Variants in CADM1 observed in about 807,000 individuals in gnomAD.
The protein encoded by CADM1 is TSLC-1.
A neutral mutation model predicts 53.1 loss-of-function variants in CADM1; 15 were observed. That is an observed-to-expected ratio of 0.28 (90% confidence interval 0.19 to 0.44). CADM1 has a LOEUF of 0.44. Ranked by LOEUF, CADM1 falls within the 20% of genes least tolerant of loss-of-function variation. CADM1 has a pLI of 1.00. For synonymous variants in CADM1, 281 were observed against 243.0 expected, an observed-to-expected ratio of 1.16 and a Z score of -1.45; for missense variants, 434 against 611.3, an observed-to-expected ratio of 0.71 and a Z score of 3.06.
rs575756144 is a variant in CADM1, at chr11:115,285,994, T to G, written c.125-45574A>C. On this transcript the variant is annotated intron_variant, in intron 1 of 11. Coordinates refer to ENST00000331581, the MANE Select transcript of CADM1 (RefSeq NM_001301043.2). ...TTGTTTTGAGGGGAAAATGAAATAA[T>G]TTAGCAGAAAGCACCATGATATACT... 9.2e-5 allele frequency among the ~76,000 whole-genome samples: 14 copies of G among 152,286 alleles called. No homozygotes were observed. In the South Asian group the frequency reaches 2.7e-3, roughly 29 times the overall value.
intron 1 of CADM1, among the ~76,000 whole-genome samples, chr11:115,482,759 A>G (rs923504429): frequency 6.6e-6 from 1 of 152,224 alleles, no homozygotes; most frequent in East Asian, 1.9e-4. Context: ...ATACGCCAAG[A>G]AAAAGGTTGT....
rs930682247 is a variant in CADM1 at position 115,180,173 on chromosome 11, G to A, written c.1166-1398C>T. 3.9e-5 allele frequency among the ~76,000 whole-genome samples: 6 copies of A among 152,134 alleles called. No homozygotes were observed. In the South Asian group the frequency reaches 6.2e-4, roughly 16 times the overall value. ...GAGGGCATGATTTACACTTTCTATC[G>A]ATATTTCCAATTCTGCTCCGAGATT... On this transcript the variant is annotated intron_variant, in intron 10 of 11. Transcript: ENST00000331581.
intron 1 of CADM1, among the ~76,000 whole-genome samples, chr11:115,501,385 C>T (rs542725610): frequency 1.3e-5 from 2 of 152,168 alleles, no homozygotes; most frequent in Non-Finnish European, 2.9e-5. Context: ...GTCAGCCCCC[C>T]TCCTTCCCAT....
At chr11:115,308,011 G>A (rs757835830) in intron 1 of CADM1, among the ~76,000 whole-genome samples, 5 of 151,532 alleles carry the variant, frequency 3.3e-5, no homozygotes, top group Non-Finnish European at 5.9e-5. Context: ...CTACTTCTGA[G>A]ACTATTCAAA....
chr11:115,218,226 T>G (rs1240281203), intron 5 of CADM1: 23 of 510,468 alleles, frequency 4.5e-5, no homozygotes, highest in Non-Finnish European at 8.3e-5. Context: ...CTGCGCCACA[T>G]CAAACATTTC....
intron 7 of CADM1, among the ~76,000 whole-genome samples, chr11:115,212,923 C>A (rs1313192813): frequency 1.3e-5 from 2 of 152,206 alleles, no homozygotes; most frequent in African/African-American, 2.4e-5. Flanking sequence ...TAGCTATAAA[C>A]TACTATCCAA....
intron 1 of CADM1, among the ~76,000 whole-genome samples, chr11:115,340,648 ATAT>A (rs1945411862): frequency 2.7e-5 from 1 of 36,902 alleles, no homozygotes; most frequent in Non-Finnish European, 5.4e-5. Flanking sequence ...ATATATATAT[ATAT>A]ATATATATTT....
intron 1 of CADM1, among the ~76,000 whole-genome samples, chr11:115,254,888 T>C (rs1054621661): frequency 2.0e-5 from 3 of 152,150 alleles, no homozygotes; most frequent in Admixed American, 6.5e-5. Flanking sequence ...AGGGGGCCAT[T>C]AAGTGATTTT....
chr11:115,189,905 A>C (rs1939764094), intron 10 of CADM1, among the ~76,000 whole-genome samples: 1 of 152,216 alleles, frequency 6.6e-6, no homozygotes. Flanking sequence ...AGAAGCACGT[A>C]GTTGGCAATA....
chr11:115,281,554 C>T (rs1185706629), intron 1 of CADM1, among the ~76,000 whole-genome samples: 2 of 151,928 alleles, frequency 1.3e-5, no homozygotes, highest in East Asian at 1.9e-4. Context: ...TCGTGTGATC[C>T]AGCTTAAGAT....
rs1038301059 is a variant in CADM1, at chr11:115,172,624, A to T, written c.*3850T>A. ...CAGGGTCACTTCAAGTTTTCAGGTG[A>T]TGTAACTGATGCTCTACTTGGCCTC... On this transcript the variant is annotated 3_prime_UTR_variant, in exon 12 of 12. Coordinates refer to ENST00000331581, the MANE Select transcript of CADM1 (RefSeq NM_001301043.2). The T allele has an allele frequency of 6.7e-6, 1 of 150,288 alleles. No homozygotes were observed. The highest frequency in any genetic ancestry group is 2.4e-5 in the African/African-American group (1 of 40,980). The allele number at this position is 150,288 out of a possible 1,614,324, so 9.3% of individuals were successfully genotyped here.
intron 1 of CADM1, among the ~76,000 whole-genome samples, chr11:115,311,693 G>C (rs1002920025): frequency 6.6e-6 from 1 of 152,140 alleles, no homozygotes; most frequent in Non-Finnish European, 1.5e-5. Context: ...AACAGGCTGA[G>C]AGTGGGCATG....
Position 115,176,338 on chromosome 11 carries a change from C to A in CADM1, c.*136G>T. On this transcript the variant is annotated 3_prime_UTR_variant, in exon 12 of 12. Transcript: ENST00000331581. ...TTTTTTTTTTTTTTACACAGCAAAT[C>A]CCAAGCCTTCCCAGTCTCACACCTT... 1.3e-6 allele frequency: 2 copies of A among 1,567,918 alleles called. No homozygotes were observed. The highest frequency in any genetic ancestry group is 8.7e-7 in the Non-Finnish European group (1 of 1,153,158).
chr11:115,383,526 G>A (rs1057318133), intron 1 of CADM1, among the ~76,000 whole-genome samples: 1 of 152,188 alleles, frequency 6.6e-6, no homozygotes, highest in Non-Finnish European at 1.5e-5. Flanking sequence ...CATTCCAAGT[G>A]TCGCTACAGC....
chr11:115,428,419 T>C (rs1484533482), intron 1 of CADM1, among the ~76,000 whole-genome samples: 2 of 152,176 alleles, frequency 1.3e-5, no homozygotes, highest in East Asian at 1.9e-4. Context: ...GACTCATTTA[T>C]ATAAAAAAGA....
At chr11:115,251,578 C>A (rs1353852165) in intron 1 of CADM1, among the ~76,000 whole-genome samples, 1 of 152,138 alleles carries the variant, frequency 6.6e-6, no homozygotes, top group Non-Finnish European at 1.5e-5. Flanking sequence ...AATGCTGCAA[C>A]ATTCAGCTTA....
At chr11:115,247,106 T>C (rs1475124758) in intron 1 of CADM1, among the ~76,000 whole-genome samples, 3 of 152,224 alleles carry the variant, frequency 2.0e-5, no homozygotes, top group African/African-American at 7.2e-5. Context: ...ACACATACTA[T>C]AGGTATGTTT....
At chr11:115,482,085 G>C (rs561042255) in intron 1 of CADM1, among the ~76,000 whole-genome samples, 1 of 152,222 alleles carries the variant, frequency 6.6e-6, no homozygotes, top group South Asian at 2.1e-4. Context: ...GCAGTTCCCA[G>C]AATCCCCCAT....
chr11:115,343,176 A>G (rs1039883638), intron 1 of CADM1, among the ~76,000 whole-genome samples: 1 of 152,152 alleles, frequency 6.6e-6, no homozygotes, highest in Non-Finnish European at 1.5e-5. Flanking sequence ...ACAGACTGTT[A>G]TCTAAGCTTA....
Sources: gnomAD v4.1 joint callset for allele counts (sites outside exome capture counted in the v4.1 genomes callset) on GRCh38, gnomAD v4.1.1 for gene constraint, MANE v1.5 for transcripts, NCBI Gene and HGNC (gene_info 2026-07-23, HGNC 2026-07-21) for gene names.